The following CAV1 variants were observed in gnomAD, a reference collection of about 807,000 sequenced individuals.
The protein encoded by CAV1 is caveolin-1.
A neutral mutation model predicts 16.5 loss-of-function variants in CAV1; 10 were observed. The ratio of observed to expected loss-of-function variants is 0.61; its 90% confidence interval spans 0.37 to 1.03. CAV1 has a LOEUF of 1.03. Ranked by LOEUF, CAV1 falls within the 50% of genes least tolerant of loss-of-function variation. The pLI is 0.01. For missense variants in CAV1, 212 were observed against 232.8 expected (o/e 0.91, Z 0.58); for synonymous variants, 76 against 85.1 (o/e 0.89, Z 0.59).
intron 2 of CAV1, among the ~76,000 whole-genome samples, chr7:116,549,116 A>G (rs1794108795): frequency 6.6e-6 from 1 of 152,200 alleles, no homozygotes; most frequent in African/African-American, 2.4e-5. Context: ...CAGACCATGC[A>G]CATACACACA....
intron 2 of CAV1, among the ~76,000 whole-genome samples, chr7:116,543,149 A>G (rs1265158288): frequency 6.6e-6 from 1 of 152,210 alleles, no homozygotes; most frequent in Non-Finnish European, 1.5e-5. Context: ...TTCTTCATCT[A>G]TAAAATCAAG....
chr7:116,541,834 T>C (rs1793947601), intron 2 of CAV1, among the ~76,000 whole-genome samples: 1 of 151,958 alleles, frequency 6.6e-6, no homozygotes, highest in African/African-American at 2.4e-5. Flanking sequence ...CAGGAATGTG[T>C]CACCAGAGGT....
intron 2 of CAV1, among the ~76,000 whole-genome samples, chr7:116,540,711 C>T (rs1405381091): frequency 6.6e-6 from 1 of 152,094 alleles, no homozygotes; most frequent in Non-Finnish European, 1.5e-5. Flanking sequence ...AGACAAATTA[C>T]AATAGCCCAT....
chr7:116,559,614 G>GAAA lies in CAV1; in HGVS notation c.*339_*341dup. 2.3e-5 allele frequency: 9 copies of GAAA among 387,618 alleles called. No homozygotes were observed. The highest frequency in any genetic ancestry group is 1.5e-4 in the South Asian group (2 of 13,760). 24.0% of individuals were successfully genotyped at this position (387,618 alleles called of 1,614,324 possible). On this transcript the variant is annotated 3_prime_UTR_variant, in exon 3 of 3. Coordinates refer to ENST00000341049, the MANE Select transcript of CAV1 (RefSeq NM_001753.5). Reference sequence around the variant, plus strand: ...GAGAGAAATATGAAGAACTGAGGAGGAAAAAAAAAAAAAAGAAAAGAACCA... The same window carrying GAAA: ...GAGAGAAATATGAAGAACTGAGGAGGAAAAAAAAAAAAAAAAAGAAAAGAACCA...
chr7:116,531,072 C>G (rs1793678959), intron 2 of CAV1, among the ~76,000 whole-genome samples: 2 of 152,182 alleles, frequency 1.3e-5, no homozygotes, highest in Admixed American at 1.3e-4. Flanking sequence ...ATCATGGTTA[C>G]CAGGCTGGCC....
At chr7:116,536,617 C>T (rs1371763812) in intron 2 of CAV1, among the ~76,000 whole-genome samples, 1 of 152,190 alleles carries the variant, frequency 6.6e-6, no homozygotes, top group East Asian at 1.9e-4. Flanking sequence ...GGGATACTAG[C>T]AGAAGCCAGA....
intron 2 of CAV1, among the ~76,000 whole-genome samples, chr7:116,544,789 C>G (rs1244237682): frequency 1.3e-5 from 2 of 152,100 alleles, no homozygotes; most frequent in Admixed American, 1.3e-4. Flanking sequence ...TCCTCTCTTA[C>G]CTTAAAAGTA....
chr7:116,528,941 T>C (rs1793628358), intron 2 of CAV1, among the ~76,000 whole-genome samples: 1 of 152,174 alleles, frequency 6.6e-6, no homozygotes, highest in Non-Finnish European at 1.5e-5. Flanking sequence ...GCAATTCTTC[T>C]GTCTCAGCCT....
chr7:116,547,671 CA>C (rs1018022997), intron 2 of CAV1, among the ~76,000 whole-genome samples: 9 of 152,166 alleles, frequency 5.9e-5, no homozygotes, highest in African/African-American at 2.2e-4. Flanking sequence ...TCAGGAATGC[CA>C]AAAGGTTCTC....
chr7:116,544,900 A>G (rs1794010254), intron 2 of CAV1, among the ~76,000 whole-genome samples: 1 of 152,148 alleles, frequency 6.6e-6, no homozygotes, highest in African/African-American at 2.4e-5. Flanking sequence ...TCCCCTTTTC[A>G]GTTACCCATG....
intron 2 of CAV1, among the ~76,000 whole-genome samples, chr7:116,534,602 G>A (rs111306388): frequency 0.043 from 6,446 of 150,504 alleles, 430 homozygotes; most frequent in African/African-American, 0.14. Flanking sequence ...GGGTGTCACC[G>A]TGTTAGCCAG....
At chr7:116,531,353 A>G (rs1793682588) in intron 2 of CAV1, among the ~76,000 whole-genome samples, 1 of 152,218 alleles carries the variant, frequency 6.6e-6, no homozygotes, top group Non-Finnish European at 1.5e-5. Flanking sequence ...CTTTTCTAAA[A>G]TTGGAATGTA....
intron 2 of CAV1, among the ~76,000 whole-genome samples, chr7:116,548,322 A>G (rs986720060): frequency 6.6e-6 from 1 of 152,264 alleles, no homozygotes; most frequent in African/African-American, 2.4e-5. Context: ...AGGAAAAGCC[A>G]GAAAGACATG....
intron 2 of CAV1, among the ~76,000 whole-genome samples, chr7:116,530,208 C>CTTTTTT (rs3030806): frequency 2.5e-4 from 31 of 125,354 alleles, no homozygotes; most frequent in African/African-American, 9.0e-4. Flanking sequence ...GTCCTTTTTC[C>CTTTTTT]TTTTTTTTTT....
rs1562829916 is a variant in CAV1 at position 116,534,380 on chromosome 7, TA to T, written c.195+7692del. Among the ~76,000 whole-genome samples the T allele has an allele frequency of 7.6e-3, 104 of 13,678 alleles. 1 individual carries two copies. The highest frequency in any genetic ancestry group is 0.031 in the East Asian group (4 of 128). 9.0% of individuals were successfully genotyped at this position (13,678 alleles called of 152,430 possible). A position where few individuals can be genotyped will look rare whatever the true frequency, so the allele number is the denominator to read the frequency against. ...CACCTCAGATATATATATATATATA[TA>T]TATATATATATATATTTTTTTTTTT... On this transcript the variant is annotated intron_variant, in intron 2 of 2. Transcript: ENST00000341049.
intron 2 of CAV1, among the ~76,000 whole-genome samples, chr7:116,533,010 G>A (rs6466583): frequency 0.76 from 114,887 of 151,976 alleles, 45,216 homozygotes; most frequent in East Asian, 0.95. Flanking sequence ...GAGCTTATAT[G>A]TAGGGAGCAA....
At chr7:116,541,996 A>G (rs1284618797) in intron 2 of CAV1, among the ~76,000 whole-genome samples, 6 of 152,132 alleles carry the variant, frequency 3.9e-5, no homozygotes, top group African/African-American at 9.7e-5. Context: ...ACTTTCCCCT[A>G]TGCCAGCAGG....
In CAV1 at chr7:116,559,180, A is replaced by G. The variant is rs764790079; in HGVS notation, c.430A>G (p.Ile144Val). 1 of 1,613,952 alleles carries G rather than the reference A, an allele frequency of 6.2e-7. No homozygotes were observed. The highest frequency in any genetic ancestry group is 8.5e-7 in the Non-Finnish European group (1 of 1,179,892). The part of the protein sequence containing the change: ...IKSFLIEIQC[I>V]SRVYSIYVHT... ...GAGCTTCCTGATTGAGATTCAGTGCATCAGCCGTGTCTATTCCATCTACGT... is the reference window on the plus strand; with the variant it reads ...GAGCTTCCTGATTGAGATTCAGTGCGTCAGCCGTGTCTATTCCATCTACGT... Residue 144 changes from isoleucine to valine, a missense_variant, in exon 3 of 3, where the codon ATC becomes GTC. By Grantham distance (29) the Ile-to-Val change is conservative (BLOSUM62 3). Transcript: ENST00000341049.
At chr7:116,551,460 TC>T (rs1347988252) in intron 2 of CAV1, among the ~76,000 whole-genome samples, 1 of 152,240 alleles carries the variant, frequency 6.6e-6, no homozygotes, top group Non-Finnish European at 1.5e-5. Flanking sequence ...ATGCTATATT[TC>T]CTTCTCATCT....
Sources: allele counts gnomAD v4.1 joint callset (sites outside exome capture counted in the v4.1 genomes callset), GRCh38; gene constraint gnomAD v4.1.1; transcripts MANE v1.5; gene names NCBI Gene and HGNC (gene_info 2026-07-23, HGNC 2026-07-21).